The following CEP85L variants were observed in gnomAD, a reference collection of about 807,000 sequenced individuals.
The protein encoded by CEP85L is centrosomal protein of 85 kDa-like.
Under a neutral mutation model 100.3 loss-of-function variants are expected in CEP85L, and 60 were observed. The observed-to-expected ratio is 0.60, with a 90% CI of 0.49 to 0.74. CEP85L has a LOEUF of 0.74. Ranked by LOEUF, CEP85L falls within the 30% of genes least tolerant of loss-of-function variation. The pLI, the probability that CEP85L is intolerant of heterozygous loss-of-function variation, is 0.00. For missense variants in CEP85L, 973 were observed against 936.2 expected (o/e 1.04, Z -0.51); for synonymous variants, 319 against 322.7 (o/e 0.99, Z 0.12).
intron 1 of CEP85L, among the ~76,000 whole-genome samples, chr6:118,650,087 T>A (rs2115381491): frequency 6.6e-6 from 1 of 152,282 alleles, no homozygotes; most frequent in African/African-American, 2.4e-5. Context: ...GTTTTGTAAA[T>A]AACAGCTTTG....
At chr6:118,619,667 T>A (rs900284024) in intron 2 of CEP85L, among the ~76,000 whole-genome samples, 5 of 152,142 alleles carry the variant, frequency 3.3e-5, no homozygotes, top group African/African-American at 4.8e-5. Flanking sequence ...CATGTGCATG[T>A]CTCTTTCTCA....
At chr6:118,653,412 G>C (rs1775662625), upstream of CEP85L, among the ~76,000 whole-genome samples, 2 of 152,078 alleles carry the variant, frequency 1.3e-5, no homozygotes, top group South Asian at 4.1e-4. Context: ...TGTTGCTAAA[G>C]TATCCATTTC....
chr6:118,514,733 A>C (rs1451650570), intron 4 of CEP85L, among the ~76,000 whole-genome samples: 1 of 152,154 alleles, frequency 6.6e-6, no homozygotes, highest in African/African-American at 2.4e-5. Flanking sequence ...AAAAGTAAAA[A>C]GAGGAAAACC....
chr6:118,669,653 G>T (rs760580904), intron 1 of CEP85L, among the ~76,000 whole-genome samples: 27 of 152,048 alleles, frequency 1.8e-4, no homozygotes, highest in Non-Finnish European at 3.2e-4. Flanking sequence ...TCAGAACCTA[G>T]AATTTATGGT....
chr6:118,501,413 T>C lies in CEP85L; in HGVS notation c.1258-9548A>G, dbSNP rs1165951382. ...TCTTGAGAAGACAGCCCATGAGACC[T>C]AGCTGGGGCCTGAGAACATGAATCA... On this transcript the variant is annotated intron_variant, in intron 5 of 12. Transcript: ENST00000368491. The C allele has an allele frequency of 5.4e-6, 2 of 373,416 alleles. 1 individual carries two copies. The highest frequency in any genetic ancestry group is 4.2e-5 in the South Asian group (2 of 47,232). The allele number at this position is 373,416 out of a possible 1,614,324, so 23.1% of individuals were successfully genotyped here. A position where few individuals can be genotyped will look rare whatever the true frequency, so the allele number is the denominator to read the frequency against.
At chr6:118,601,854 T>C (rs902666159) in intron 2 of CEP85L, among the ~76,000 whole-genome samples, 6 of 152,022 alleles carry the variant, frequency 3.9e-5, no homozygotes, top group South Asian at 2.1e-4. Context: ...TTTTGGTAGG[T>C]TTTGGCCAGC....
chr6:118,470,962 G>A (rs1008312181), intron 10 of CEP85L, among the ~76,000 whole-genome samples: 2 of 152,054 alleles, frequency 1.3e-5, no homozygotes, highest in Admixed American at 6.5e-5. Flanking sequence ...ATTACAAACA[G>A]TTCTTATTTC....
chr6:118,700,596 T>C (rs529880245), intron 1 of CEP85L, among the ~76,000 whole-genome samples: 9 of 152,254 alleles, frequency 5.9e-5, no homozygotes, highest in Non-Finnish European at 1.3e-4. Context: ...TGAGAACATC[T>C]TCTGCTCTTG....
chr6:118,686,314 A>G (rs934236772), intron 1 of CEP85L, among the ~76,000 whole-genome samples: 3 of 152,174 alleles, frequency 2.0e-5, no homozygotes, highest in African/African-American at 7.2e-5. Context: ...CATCACCACA[A>G]ACCAGTTTTA....
At chr6:118,625,934 C>G (rs1037896119) in intron 2 of CEP85L, among the ~76,000 whole-genome samples, 1 of 152,036 alleles carries the variant, frequency 6.6e-6, no homozygotes, top group Non-Finnish European at 1.5e-5. Context: ...CAAGCTTCTA[C>G]CGAGGACCCC....
intron 1 of CEP85L, among the ~76,000 whole-genome samples, chr6:118,650,342 A>C (rs2115382416): frequency 6.6e-6 from 1 of 152,316 alleles, no homozygotes; most frequent in South Asian, 2.1e-4. Context: ...CAGGCAACCC[A>C]AGACTTATTT....
upstream of CEP85L, among the ~76,000 whole-genome samples, chr6:118,655,227 G>A (rs113641168): frequency 3.3e-3 from 503 of 152,250 alleles, 1 homozygote; most frequent in African/African-American, 0.012. Flanking sequence ...TTCCTGGGAG[G>A]TACAGAAAAT....
At chr6:118,550,661 T>C (rs1414052449) in intron 3 of CEP85L, among the ~76,000 whole-genome samples, 1 of 151,888 alleles carries the variant, frequency 6.6e-6, no homozygotes, top group Non-Finnish European at 1.5e-5. Flanking sequence ...TTAGGTTTTG[T>C]CACTAAGCCA....
intron 1 of CEP85L, among the ~76,000 whole-genome samples, chr6:118,634,444 A>G (rs141420053): frequency 1.1e-3 from 167 of 152,330 alleles, no homozygotes; most frequent in African/African-American, 3.9e-3. Flanking sequence ...GCAATTTATC[A>G]ATTAAATTTA....
At chr6:118,647,197 T>C (rs901991270) in intron 1 of CEP85L, 1 of 283,992 alleles carries the variant, frequency 3.5e-6, no homozygotes, top group African/African-American at 2.3e-5. Flanking sequence ...ATGACATCAC[T>C]AAACACCTTA....
At chr6:118,483,559 T>G in intron 7 of CEP85L, 147 bp downstream of exon 7, 4 of 658,666 alleles carry the variant, frequency 6.1e-6, no homozygotes, top group Non-Finnish European at 1.0e-5. Flanking sequence ...TACTTATGCA[T>G]GCTTAGATAA....
chr6:118,506,345 G>A (rs1312904756), intron 5 of CEP85L, among the ~76,000 whole-genome samples: 1 of 152,152 alleles, frequency 6.6e-6, no homozygotes, highest in Non-Finnish European at 1.5e-5. Context: ...GTGTTCAGAT[G>A]ATATAGGTGG....
intron 5 of CEP85L, among the ~76,000 whole-genome samples, chr6:118,496,306 G>A (rs1044399623): frequency 6.6e-6 from 1 of 150,950 alleles, no homozygotes; most frequent in East Asian, 1.9e-4. Flanking sequence ...GGGCACACAC[G>A]TCATCTCTTA....
At chr6:118,477,501 C>T (rs1053169201) in intron 10 of CEP85L, among the ~76,000 whole-genome samples, 3 of 151,984 alleles carry the variant, frequency 2.0e-5, no homozygotes, top group Non-Finnish European at 4.4e-5. Context: ...GAAACAATGC[C>T]CTATTTTTTA....
Sources: gnomAD v4.1 joint callset for allele counts (sites outside exome capture counted in the v4.1 genomes callset) on GRCh38, gnomAD v4.1.1 for gene constraint, MANE v1.5 for transcripts, NCBI Gene and HGNC (gene_info 2026-07-23, HGNC 2026-07-21) for gene names.